OSBP2: variants seen among roughly 807,000 people sequenced by gnomAD.
OSBP2 encodes the protein oxysterol-binding protein 2.
A neutral mutation model predicts 96.0 loss-of-function variants in OSBP2; 66 were observed. The observed-to-expected ratio is 0.69, with a 90% CI of 0.56 to 0.84. The LOEUF (loss-of-function observed/expected upper bound fraction) is 0.84, where lower values mean the gene tolerates loss of function less well. Ranked by LOEUF, OSBP2 falls within the 40% of genes least tolerant of loss-of-function variation. The probability of loss-of-function intolerance (pLI) is 0.00; values close to 1 mark genes in which losing one functional copy is unlikely to be tolerated. For synonymous variants in OSBP2, 525 were observed against 520.9 expected (o/e 1.01, Z -0.11); for missense variants, 1,038 against 1,222.7 (o/e 0.85, Z 2.25).
intron 2 of OSBP2, among the ~76,000 whole-genome samples, chr22:30,773,909 G>T (rs1458210438): frequency 1.3e-5 from 2 of 152,214 alleles, no homozygotes. Context: ...GGGCAGTCCG[G>T]TGGCAGTCAC....
intron 2 of OSBP2, among the ~76,000 whole-genome samples, chr22:30,843,444 T>TTCCC (rs1555919385): frequency 8.3e-6 from 1 of 120,556 alleles, no homozygotes; most frequent in African/African-American, 4.0e-5. Flanking sequence ...CAGGAATCTT[T>TTCCC]CCCCCCTCCC....
chr22:30,699,946 A>G (rs1461868700), intron 1 of OSBP2, among the ~76,000 whole-genome samples: 1 of 152,008 alleles, frequency 6.6e-6, no homozygotes, highest in Non-Finnish European at 1.5e-5. Context: ...AATATAAATA[A>G]GGCAGAAGAT....
intron 2 of OSBP2, among the ~76,000 whole-genome samples, chr22:30,751,577 A>G (rs368427718): frequency 6.6e-6 from 1 of 152,012 alleles, no homozygotes; most frequent in Non-Finnish European, 1.5e-5. Flanking sequence ...CTGGTCTCCA[A>G]TTCCTGACCT....
chr22:30,822,820 C>T (rs1382493635), intron 2 of OSBP2: 1 of 926,014 alleles, frequency 1.1e-6, no homozygotes, highest in Non-Finnish European at 1.5e-6. Flanking sequence ...GATGTCACTC[C>T]CTCGCGGCGT....
At chr22:30,901,763 G>A (rs2040200811) in intron 12 of OSBP2, among the ~76,000 whole-genome samples, 1 of 152,162 alleles carries the variant, frequency 6.6e-6, no homozygotes, top group Non-Finnish European at 1.5e-5. Context: ...TACTCGGAAA[G>A]CTGAGGCAGG....
intron 2 of OSBP2, among the ~76,000 whole-genome samples, chr22:30,848,327 G>A (rs554777688): frequency 2.6e-5 from 4 of 152,198 alleles, no homozygotes; most frequent in Non-Finnish European, 5.9e-5. Context: ...GTTTTGAAAT[G>A]TACATTTATA....
At chr22:30,819,467 G>C (rs1392501112) in intron 2 of OSBP2, among the ~76,000 whole-genome samples, 1 of 152,154 alleles carries the variant, frequency 6.6e-6, no homozygotes, top group African/African-American at 2.4e-5. Flanking sequence ...AGAACCCATC[G>C]GTCATCTTAG....
chr22:30,870,499 T>C lies in OSBP2; in HGVS notation c.924T>C (p.Asn308=), dbSNP rs2039435822. The change falls in exon 3 of 14, where the codon AAT becomes AAC. Residue 308 remains asparagine (N), a synonymous_variant. Coordinates refer to ENST00000332585, the MANE Select transcript of OSBP2 (RefSeq NM_030758.4). The surrounding 1 kb of genome is among the most constrained non-coding windows in gnomAD (Gnocchi z 4.1). ...GCGAGCTGCACCACACCCTGAAGAA[T>C]CTTTCCCTGAAGTTAGATGACCTCA... The part of the protein sequence containing the change: ...DKSELHHTLK[N]LSLKLDDLST... The C allele has an allele frequency of 3.1e-6, 5 of 1,613,990 alleles. No homozygotes were observed. Among genetic ancestry groups the C allele is most frequent in the Non-Finnish European group, 3.4e-6 (4 of 1,180,010 alleles).
intron 2 of OSBP2, among the ~76,000 whole-genome samples, chr22:30,775,956 T>C (rs1307770990): frequency 6.6e-6 from 1 of 151,752 alleles, no homozygotes; most frequent in Non-Finnish European, 1.5e-5. Flanking sequence ...CCACCACACC[T>C]GGCTAATTTT....
intron 2 of OSBP2, among the ~76,000 whole-genome samples, chr22:30,832,003 C>A (rs1602329107): frequency 1.3e-5 from 2 of 152,282 alleles, no homozygotes; most frequent in East Asian, 3.9e-4. Flanking sequence ...TGGTGATGAT[C>A]TGACCTTTCT....
chr22:30,719,545 A>G (rs2089513521), intron 1 of OSBP2, among the ~76,000 whole-genome samples: 1 of 152,098 alleles, frequency 6.6e-6, no homozygotes, highest in African/African-American at 2.4e-5. Flanking sequence ...ACTTAAGGCC[A>G]GGAGTTTGAG....
At chr22:30,858,169 TCGCTCTGTCGCC>T (rs539143423) in intron 2 of OSBP2, among the ~76,000 whole-genome samples, 99 of 141,060 alleles carry the variant, frequency 7.0e-4, no homozygotes, top group Middle Eastern at 4.2e-3. Context: ...AGACGGAGTC[TCGCTCTGTCGCC>T]CAGGCCGGAC....
At chr22:30,763,637 G>GA (rs136338) in intron 2 of OSBP2, among the ~76,000 whole-genome samples, 40,152 of 130,710 alleles carry the variant, frequency 0.31, 5,583 homozygotes, top group East Asian at 0.34. Flanking sequence ...CAGAGTGACA[G>GA]AAAAAAAAAA....
chr22:30,695,474 C>T lies in OSBP2; in HGVS notation c.565C>T (p.Leu189Phe). 6.2e-7 allele frequency: 1 copy of T among 1,613,432 alleles called. No individual in the cohort carries two copies. ...GCCTCTGGACAGCTTCGAGGGCTGG[C>T]TTCTCAAGTGGACCAACTATCTGAA... ...LLPLDSFEGW[L>F]LKWTNYLKGY... is the part of the protein sequence containing the mutation. The change falls in exon 1 of 14, where the codon CTT becomes TTT. Residue 189 changes from leucine (L) to phenylalanine (F), a missense_variant. By Grantham distance (22) the Leu-to-Phe change is conservative. Transcript: ENST00000332585.
rs774105486 is a variant in OSBP2, at chr22:30,905,860, A to G, written c.2399A>G (p.Tyr800Cys). Residue 800 changes from tyrosine (Y) to cysteine (C), a missense_variant, in exon 13 of 14, where the codon TAC (tyrosine) becomes TGC (cysteine). This residue lies in a region of OSBP2 where 737 missense variants were observed against 913.3 expected (regional missense o/e 0.81). Coordinates refer to ENST00000332585, the MANE Select transcript of OSBP2 (RefSeq NM_030758.4). ...PLPENAENMY[Y>C]FSELALTLNE... ...AGGGAGAACGCGGAGAACATGTACT[A>G]CTTCTCAGAGCTGGCCCTGACCCTC... is the stretch of plus-strand genomic sequence containing the variant. The G allele has an allele frequency of 2.8e-5, 45 of 1,613,248 alleles. No individual in the cohort carries two copies. Among genetic ancestry groups the G allele is most frequent in the Non-Finnish European group, 3.7e-5 (44 of 1,179,678 alleles).
At chr22:30,759,358 G>A (rs984365700) in intron 2 of OSBP2, among the ~76,000 whole-genome samples, 2 of 152,068 alleles carry the variant, frequency 1.3e-5, no homozygotes, top group Admixed American at 1.3e-4. Flanking sequence ...AAATAGTACT[G>A]CAAAGGCTTT....
chr22:30,830,752 T>G (rs761752340), intron 2 of OSBP2, among the ~76,000 whole-genome samples: 2 of 152,256 alleles, frequency 1.3e-5, no homozygotes, highest in African/African-American at 4.8e-5. Context: ...ATTTACTGTT[T>G]AGACAACAAT....
At chr22:30,707,774 A>G (rs1392843571) in intron 1 of OSBP2, among the ~76,000 whole-genome samples, 1 of 152,090 alleles carries the variant, frequency 6.6e-6, no homozygotes, top group Non-Finnish European at 1.5e-5. Flanking sequence ...CCTAGTATAA[A>G]GACCCAACAT....
At position 30,765,168 on chromosome 22, in the gene OSBP2, C is replaced by CA. The variant is rs747585122; in HGVS notation, c.853+23800dup. Reference sequence around the variant, plus strand: ...CTCGGCCTCCCAAAGTGCTGGATTACAGGTGTGAGACACCCGGCCCTCCCC... The same window carrying CA: ...CTCGGCCTCCCAAAGTGCTGGATTACAAGGTGTGAGACACCCGGCCCTCCCC... On this transcript the variant is annotated intron_variant, in intron 2 of 13. Transcript: ENST00000332585. 3.9e-5 allele frequency among the ~76,000 whole-genome samples: 6 copies of CA among 152,152 alleles called. No individual in the cohort carries two copies. In the South Asian group the frequency reaches 8.3e-4, roughly 21 times the overall value.
Sources: allele counts gnomAD v4.1 joint callset (sites outside exome capture counted in the v4.1 genomes callset), GRCh38; gene constraint gnomAD v4.1.1; regional missense constraint gnomAD v4.1.1; non-coding constraint Gnocchi (gnomAD v3.1); transcripts MANE v1.5; gene names NCBI Gene and HGNC (gene_info 2026-07-23, HGNC 2026-07-21).